Variants in OBSL1 observed in about 807,000 individuals in gnomAD.
OBSL1 encodes obscurin-like protein 1.
A neutral mutation model predicts 172.0 loss-of-function variants in OBSL1; 160 were observed. That is an observed-to-expected ratio of 0.93 (90% confidence interval 0.82 to 1.06). The LOEUF is 1.06. OBSL1 is among the 50% of genes least tolerant of loss of function. The pLI is 0.00. For missense variants in OBSL1, 2,681 were observed against 2,715.4 expected (o/e 0.99, Z 0.28); for synonymous variants, 1,200 against 1,196.3 (o/e 1.00, Z -0.06).
chr2:219,547,458 G>T (rs1381954681), downstream of OBSL1: 2 of 1,384,008 alleles, frequency 1.4e-6, no homozygotes, highest in Non-Finnish European at 1.9e-6. Context: ...GCTCCCTCCA[G>T]CCTGGTGCCC....
intron 12 of OBSL1, 28 bp from the exon 13 acceptor site, chr2:219,556,751 G>C: frequency 3.2e-6 from 5 of 1,562,526 alleles, no homozygotes; most frequent in Non-Finnish European, 4.3e-6. Flanking sequence ...GCAGTGAGCT[G>C]GGCTGAGTCT....
At chr2:219,562,776 A>G (rs1696582893) in intron 7 of OBSL1, 102 bp from the exon 8 acceptor site, 5 of 1,291,582 alleles carry the variant, frequency 3.9e-6, no homozygotes, top group Non-Finnish European at 4.2e-6. Flanking sequence ...CCATGTGTTG[A>G]AGAGGGACCT....
In OBSL1 at chr2:219,559,469, G is replaced by A. The variant is rs750311510; in HGVS notation, c.2982C>T (p.Arg994=). 2.2e-5 allele frequency: 35 copies of A among 1,613,670 alleles called. No homozygotes were observed. The highest frequency in any genetic ancestry group is 6.7e-5 in the African/African-American group (5 of 74,846). ...TEPPVRIIYP[R]DEVTLIAVTL... ...TCACGGCGATCAAGGTCACCTCATC[G>A]CGAGGGTATATGATCCGCACTGGGG... The change falls in exon 9 of 21, where the codon CGC becomes CGT. Residue 994 remains arginine (R), a synonymous_variant. Coordinates refer to ENST00000404537, the MANE Select transcript of OBSL1 (RefSeq NM_015311.3).
downstream of OBSL1, chr2:219,547,715 G>T: frequency 6.3e-7 from 1 of 1,579,730 alleles, no homozygotes. Context: ...GCTGCTGCTC[G>T]GCCTGCTGCT....
chr2:219,553,152 C>G, intron 16 of OBSL1, 128 bp from the exon 17 acceptor site: 3 of 1,275,860 alleles, frequency 2.4e-6, no homozygotes, highest in Non-Finnish European at 3.1e-6. Context: ...GTCTCGTGTT[C>G]CCAGGCTGGG....
rs775687163 is a variant in OBSL1 at position 219,559,345 on chromosome 2, C to G, written c.3106G>C (p.Val1036Leu). ...GLEVEESEAL[V>L]LERDGPRCRL... ...CAGCGTGGCCCATCCCTCTCCAGCACCAGGGCCTCGCTCTCCTCCACTTCC... is the reference window on the plus strand; with the variant it reads ...CAGCGTGGCCCATCCCTCTCCAGCAGCAGGGCCTCGCTCTCCTCCACTTCC... Residue 1036 changes from valine (V) to leucine (L), a missense_variant, in exon 9 of 21, where the codon GTG becomes CTG. Physicochemically the swap from Val to Leu is conservative, Grantham distance 32. Coordinates refer to ENST00000404537, the MANE Select transcript of OBSL1 (RefSeq NM_015311.3). The G allele has an allele frequency of 6.2e-7, 1 of 1,613,978 alleles. No individual in the cohort carries two copies. The highest frequency in any genetic ancestry group is 1.7e-5 in the Admixed American group (1 of 60,022).
At chr2:219,560,533 G>A (rs113399711) in intron 8 of OBSL1, among the ~76,000 whole-genome samples, 15 of 149,752 alleles carry the variant, frequency 1.0e-4, no homozygotes, top group African/African-American at 3.4e-4. Context: ...GTTTTGGGGC[G>A]ACTACTGCTC....
rs757030529 is a variant in OBSL1 at position 219,558,437 on chromosome 2, G to A, written c.3249C>T (p.His1083=). The change falls in exon 10 of 21, where the codon CAC becomes CAT. Residue 1083 remains histidine, a synonymous_variant. Transcript: ENST00000404537. Reference sequence around the variant, plus strand: ...GCAGATCCAGGGAGCGGGCTGCCGGGTGCACAATCCTCTCTGGTGGGGCTG... The same window carrying A: ...GCAGATCCAGGGAGCGGGCTGCCGGATGCACAATCCTCTCTGGTGGGGCTG... ...TVTAPPERIV[H]PAARSLDLHF... 1 of 1,588,438 alleles carries A rather than the reference G, an allele frequency of 6.3e-7. No homozygotes were observed. The highest frequency in any genetic ancestry group is 1.1e-5 in the South Asian group (1 of 87,386).
In OBSL1 at chr2:219,568,196, G is replaced by A. The variant is rs200373253; in HGVS notation, c.1141C>T (p.Leu381=). The change falls in exon 2 of 21, where the codon CTG becomes TTG. Residue 381 remains leucine, a synonymous_variant. Transcript: ENST00000404537. The surrounding 1 kb of genome is among the most constrained non-coding windows in gnomAD (Gnocchi z 4.1). ...TAWFREDQRL[L]PCRKYEQIEE... ...ATCTGCTCGTACTTGCGGCAGGGCA[G>A]CAGCCGCTGGTCCTCACGGAACCAG... 1 of 1,612,296 alleles carries A rather than the reference G, an allele frequency of 6.2e-7. No individual in the cohort carries two copies. The highest frequency in any genetic ancestry group is 1.3e-5 in the African/African-American group (1 of 74,934).
Position 219,551,567 on chromosome 2 carries a change from G to T in OBSL1, c.5645C>A (p.Ala1882Asp), listed in dbSNP as rs760553594. Reference protein sequence around the residue: ...PEDQGTYCCQAGQDSTHTRLL... With the variant: ...PEDQGTYCCQDGQDSTHTRLL... ...CCGTGTGTGGGTGCTGTCCTGGCCG[G>T]CCTGGCAGCAGTAAGTGCCTTGGTC... The change falls in exon 20 of 21, where the codon GCC becomes GAC. Residue 1882 changes from alanine to aspartate, a missense_variant. Around this residue, in one of 5 missense-constraint regions of OBSL1, gnomAD observed 1,765 missense variants for 1,748.3 expected, o/e 1.01. Transcript: ENST00000404537. 3.1e-6 allele frequency: 5 copies of T among 1,603,568 alleles called. No homozygotes were observed.
chr2:219,551,024 A>G, intron 20 of OBSL1, 182 bp from the exon 21 acceptor site: 5 of 1,463,594 alleles, frequency 3.4e-6, no homozygotes, highest in Non-Finnish European at 4.5e-6. Flanking sequence ...GGGGTGGGGC[A>G]CAGCGCGGCA....
chr2:219,565,433 T>C lies in OBSL1; in HGVS notation c.2216A>G (p.Glu739Gly). ...TGCCGGGAAGTCCACCCTTGAGAGC[T>C]CACAAGTCAGCACCACCCGCTCTGA... ...TTSERVVLTC[E>G]LSRVDFPATW... Residue 739 changes from glutamate to glycine, a missense_variant, in exon 6 of 21, where the codon GAG (glutamate) becomes GGG (glycine). Physicochemically the swap from Glu to Gly is moderately conservative, Grantham distance 98. Coordinates refer to ENST00000404537, the MANE Select transcript of OBSL1 (RefSeq NM_015311.3). 6.2e-7 allele frequency: 1 copy of C among 1,613,780 alleles called. No individual in the cohort carries two copies.
In OBSL1 at chr2:219,561,917, G is replaced by A. The variant is rs570788506; in HGVS notation, c.2953+485C>T. 3.1e-4 allele frequency: 225 copies of A among 717,514 alleles called. 2 individuals are homozygous for A. The highest frequency in any genetic ancestry group is 1.9e-3 in the Admixed American group (97 of 50,020). The allele number at this position is 717,514 out of a possible 1,614,324, so 44.4% of individuals were successfully genotyped here. ...TGCCAGCTGTTCGTCGCCATGGGGGGAAGCGGGACCAGAGCCGCCGGGTCT... is the reference window on the plus strand; with the variant it reads ...TGCCAGCTGTTCGTCGCCATGGGGGAAAGCGGGACCAGAGCCGCCGGGTCT... On this transcript the variant is annotated intron_variant, in intron 8 of 20. Coordinates refer to ENST00000404537, the MANE Select transcript of OBSL1 (RefSeq NM_015311.3).
Position 219,571,275 on chromosome 2 carries a change from G to A in OBSL1, c.-43C>T, listed in dbSNP as rs749759458. Reference sequence around the variant, plus strand: ...TGCAGCGGCGAACGGTGGGGGGGCAGGGGGGGGTGCGGAGGGCGAGCCGAG... The same window carrying A: ...TGCAGCGGCGAACGGTGGGGGGGCAAGGGGGGGTGCGGAGGGCGAGCCGAG... On this transcript the variant is annotated 5_prime_UTR_variant, in exon 1 of 21. Transcript: ENST00000404537. 2.7e-5 allele frequency: 21 copies of A among 788,910 alleles called. 1 individual carries two copies. The East Asian group carries it at 4.0e-4, about 15-fold the overall frequency. The allele number at this position is 788,910 out of a possible 1,614,324, so 48.9% of individuals were successfully genotyped here. A position where few individuals can be genotyped will look rare whatever the true frequency, so the allele number is the denominator to read the frequency against.
In OBSL1 at chr2:219,550,898, C is replaced by T. The variant is rs1054416900; in HGVS notation, c.5684-56G>A. 5 of 1,593,506 alleles carry T rather than the reference C, an allele frequency of 3.1e-6. No individual in the cohort carries two copies. The African/African-American group carries it at 5.4e-5, about 17-fold the overall frequency. On this transcript the variant is annotated intron_variant, in intron 20 of 20. Coordinates refer to ENST00000404537, the MANE Select transcript of OBSL1 (RefSeq NM_015311.3). The stretch of plus-strand genomic sequence containing the variant: ...GGAGAGAAGGGGGTACCACCTTCCT[C>T]TCCCCTGGCAGAGCCTGGACACCAG...
At chr2:219,566,276 G>A (rs1047272962) in intron 5 of OBSL1, among the ~76,000 whole-genome samples, 6 of 152,170 alleles carry the variant, frequency 3.9e-5, no homozygotes, top group Non-Finnish European at 5.9e-5. Flanking sequence ...CTACTCGGGA[G>A]GCTGAGGCAG....
downstream of OBSL1, among the ~76,000 whole-genome samples, chr2:219,548,913 G>A (rs2105996707): frequency 6.6e-6 from 1 of 150,478 alleles, no homozygotes; most frequent in East Asian, 2.0e-4. Flanking sequence ...TGACAGCCTG[G>A]AAGGGGGTAC....
At chr2:219,554,383 G>A in intron 15 of OBSL1, 91 bp downstream of exon 15, 1 of 1,444,870 alleles carries the variant, frequency 6.9e-7, no homozygotes, top group Non-Finnish European at 9.6e-7. Context: ...CATGGTCAGT[G>A]GGGGTCACAC....
intron 7 of OBSL1, 124 bp downstream of exon 7, chr2:219,563,231 C>T (rs949875349): frequency 9.7e-5 from 96 of 986,584 alleles, no homozygotes; most frequent in Middle Eastern, 8.4e-4. Context: ...GGAGGAGGTC[C>T]GATCTGCCAG....
Sources: allele counts gnomAD v4.1 joint callset (sites outside exome capture counted in the v4.1 genomes callset), GRCh38; gene constraint gnomAD v4.1.1; regional missense constraint gnomAD v4.1.1; non-coding constraint Gnocchi (gnomAD v3.1); transcripts MANE v1.5; gene names NCBI Gene and HGNC (gene_info 2026-07-23, HGNC 2026-07-21).